The following LIPC variants were observed in gnomAD, a reference collection of about 807,000 sequenced individuals.
The protein encoded by LIPC is hepatic triacylglycerol lipase.
In LIPC, 44 loss-of-function variants were observed where a neutral mutation model predicts 50.7. The ratio of observed to expected loss-of-function variants is 0.87; its 90% CI spans 0.68 to 1.11. The LOEUF (loss-of-function observed/expected upper bound fraction) is 1.11, where lower values mean the gene tolerates loss of function less well. Among genes scored for constraint, LIPC ranks in the 50% most tolerant of loss-of-function variants. The pLI is 0.00. For synonymous variants in LIPC, 271 were observed against 256.4 expected (o/e 1.06, Z -0.54); for missense variants, 697 against 648.2 (o/e 1.08, Z -0.82).
At chr15:58,456,435 A>G (rs1033251431) in intron 1 of LIPC, 1 of 152,168 alleles carries the variant, frequency 6.6e-6, no homozygotes, top group Non-Finnish European at 1.5e-5. Flanking sequence ...ATTCATGGGG[A>G]AAAATAAGCT....
At chr15:58,449,919 T>C (rs1893842072) in intron 1 of LIPC, among the ~76,000 whole-genome samples, 1 of 152,192 alleles carries the variant, frequency 6.6e-6, no homozygotes, top group African/African-American at 2.4e-5. Flanking sequence ...CTGGTGATGT[T>C]GGTCCCACCC....
chr15:58,541,632 A>G, intron 2 of LIPC, 153 bp from the exon 3 acceptor site: 1 of 783,928 alleles, frequency 1.3e-6, no homozygotes, highest in East Asian at 2.7e-5. Context: ...AGCCCCCACA[A>G]CAAGGAATTC....
intron 6 of LIPC, among the ~76,000 whole-genome samples, chr15:58,554,006 A>T (rs1229811406): frequency 6.6e-6 from 1 of 152,160 alleles, no homozygotes; most frequent in Non-Finnish European, 1.5e-5. Flanking sequence ...GGGAAAAAAA[A>T]AAAGCCCTCT....
chr15:58,492,773 C>G (rs1378601029), intron 1 of LIPC, among the ~76,000 whole-genome samples: 1 of 152,230 alleles, frequency 6.6e-6, no homozygotes, highest in Non-Finnish European at 1.5e-5. Context: ...ACTCACCCCC[C>G]TCCTTAAACC....
intron 1 of LIPC, among the ~76,000 whole-genome samples, chr15:58,535,774 T>A (rs901049137): frequency 6.6e-6 from 1 of 152,230 alleles, no homozygotes; most frequent in African/African-American, 2.4e-5. Flanking sequence ...CCTAACAACC[T>A]CATAAGATAG....
intron 1 of LIPC, among the ~76,000 whole-genome samples, chr15:58,535,503 C>G (rs1479001855): frequency 6.6e-6 from 1 of 152,214 alleles, no homozygotes; most frequent in African/African-American, 2.4e-5. Flanking sequence ...TCCATGGTCT[C>G]TCCTGAACAG....
chr15:58,512,531 A>G (rs2140859987), intron 1 of LIPC, among the ~76,000 whole-genome samples: 1 of 152,332 alleles, frequency 6.6e-6, no homozygotes, highest in African/African-American at 2.4e-5. Flanking sequence ...AGAAGGTGAG[A>G]AGGATGGCCT....
At chr15:58,477,057 T>C (rs753046183) in intron 1 of LIPC, among the ~76,000 whole-genome samples, 3 of 152,212 alleles carry the variant, frequency 2.0e-5, no homozygotes, top group Non-Finnish European at 4.4e-5. Flanking sequence ...GGGTGGGATC[T>C]TTCCCCTACA....
At chr15:58,502,939 G>A (rs112036621) in intron 1 of LIPC, among the ~76,000 whole-genome samples, 2,714 of 134,832 alleles carry the variant, frequency 0.02, 77 homozygotes, top group African/African-American at 0.069. Context: ...AGGTATTTGA[G>A]GTGCTGAAAC....
At chr15:58,440,219 A>G (rs2140640285) in intron 1 of LIPC, among the ~76,000 whole-genome samples, 1 of 152,364 alleles carries the variant, frequency 6.6e-6, no homozygotes, top group South Asian at 2.1e-4. Context: ...GCAAAAGCTA[A>G]TTAACCATCC....
intron 2 of LIPC, 32 bp from the exon 3 acceptor site, chr15:58,541,753 C>T (rs1337294083): frequency 3.7e-6 from 6 of 1,606,232 alleles, no homozygotes; most frequent in Non-Finnish European, 5.1e-6. Context: ...AGAAAGGAAA[C>T]TAGTGCGACC....
chr15:58,533,256 G>A (rs1191442476), intron 1 of LIPC: 2 of 721,088 alleles, frequency 2.8e-6, no homozygotes, highest in Middle Eastern at 7.0e-4. Context: ...CATAGCTAAA[G>A]CATATCCTTT....
chr15:58,542,163 C>T (rs1035883887), intron 3 of LIPC, among the ~76,000 whole-genome samples, 196 bp downstream of exon 3: 12 of 152,214 alleles, frequency 7.9e-5, no homozygotes, highest in African/African-American at 1.2e-4. Flanking sequence ...CCCTGTTTCA[C>T]AGAACCACCT....
chr15:58,449,987 G>A (rs1173645884), intron 1 of LIPC, among the ~76,000 whole-genome samples: 1 of 152,174 alleles, frequency 6.6e-6, no homozygotes, highest in Non-Finnish European at 1.5e-5. Context: ...AGACCAGAGG[G>A]ACCAGCCTGT....
intron 1 of LIPC, among the ~76,000 whole-genome samples, chr15:58,531,134 G>A (rs1892947605): frequency 1.3e-5 from 2 of 152,112 alleles, no homozygotes; most frequent in East Asian, 1.9e-4. Context: ...AGTTCTACCC[G>A]GTTTTGTCAG....
At chr15:58,561,122 T>C (rs2140951945) in intron 7 of LIPC, 141 bp downstream of exon 7, 1 of 698,766 alleles carries the variant, frequency 1.4e-6, no homozygotes, top group Non-Finnish European at 2.7e-6. Context: ...CTGAGACACA[T>C]GTCAATCAAT....
At chr15:58,453,130 C>A (rs914926226) in intron 1 of LIPC, among the ~76,000 whole-genome samples, 24 of 152,144 alleles carry the variant, frequency 1.6e-4, no homozygotes, top group Admixed American at 1.4e-3. Flanking sequence ...GACCCATCCC[C>A]TCAGGTACAC....
intron 4 of LIPC, among the ~76,000 whole-genome samples, chr15:58,544,391 C>CTTTTTTTTTTTTTTTTTT (rs572161614): frequency 9.1e-6 from 1 of 110,272 alleles, no homozygotes; most frequent in African/African-American, 3.3e-5. Flanking sequence ...TTCTTTTTCT[C>CTTTTTTTTTTTTTTTTTT]TTTCTTTTTT....
intron 1 of LIPC, among the ~76,000 whole-genome samples, chr15:58,471,875 C>G (rs1180000570): frequency 6.6e-6 from 1 of 152,184 alleles, no homozygotes; most frequent in Non-Finnish European, 1.5e-5. Flanking sequence ...TCTCAATGAC[C>G]CTTGGGCTCC....
Sources: allele counts gnomAD v4.1 joint callset (sites outside exome capture counted in the v4.1 genomes callset), GRCh38; gene constraint gnomAD v4.1.1; transcripts MANE v1.5; gene names NCBI Gene and HGNC (gene_info 2026-07-23, HGNC 2026-07-21).